The following ATL1 variants were observed in gnomAD, a reference collection of about 807,000 sequenced individuals.
The protein encoded by ATL1 is atlastin GTPase 1.
In ATL1, 31 loss-of-function variants were observed where a neutral mutation model predicts 75.5. That is an observed-to-expected ratio of 0.41 (90% CI 0.31 to 0.55). The LOEUF is 0.55. Among genes scored for constraint, ATL1 ranks in the 20% least tolerant of loss-of-function variants. The probability of loss-of-function intolerance (pLI) is 0.27; values close to 1 mark genes in which losing one functional copy is unlikely to be tolerated. For missense variants in ATL1, 405 were observed against 662.6 expected, an observed-to-expected ratio of 0.61 and a Z score of 4.27; for synonymous variants, 226 against 233.3, an observed-to-expected ratio of 0.97 and a Z score of 0.28.
At chr14:50,627,897 G>C (rs1053195321) in intron 11 of ATL1, 134 bp from the exon 12 acceptor site, 41 of 812,408 alleles carry the variant, frequency 5.0e-5, no homozygotes, top group Middle Eastern at 6.1e-4. Context: ...AAAGATGTGG[G>C]CTGACAAAAC....
At chr14:50,617,625 C>T (rs1345002325) in intron 8 of ATL1, among the ~76,000 whole-genome samples, 1 of 152,182 alleles carries the variant, frequency 6.6e-6, no homozygotes. Flanking sequence ...ATCGTATTCT[C>T]AATTATTGTG....
At chr14:50,625,319 GT>G (rs2039507278) in intron 11 of ATL1, among the ~76,000 whole-genome samples, 1 of 152,172 alleles carries the variant, frequency 6.6e-6, no homozygotes, top group South Asian at 2.1e-4. Context: ...GGTTCATGAG[GT>G]TTAAGAAGCC....
At chr14:50,612,153 A>G (rs1027407685) in intron 6 of ATL1, among the ~76,000 whole-genome samples, 1 of 152,208 alleles carries the variant, frequency 6.6e-6, no homozygotes, top group Non-Finnish European at 1.5e-5. Flanking sequence ...CCAAAAGAAT[A>G]TATCATGTAT....
intron 6 of ATL1, among the ~76,000 whole-genome samples, chr14:50,612,322 G>C (rs1466671223): frequency 6.6e-6 from 1 of 152,048 alleles, no homozygotes; most frequent in African/African-American, 2.4e-5. Flanking sequence ...TCTTGATCTA[G>C]GTGCTAGTTA....
chr14:50,548,104 C>T (rs768628985), intron 1 of ATL1, among the ~76,000 whole-genome samples: 7 of 152,050 alleles, frequency 4.6e-5, no homozygotes, highest in African/African-American at 1.2e-4. Context: ...TACAGGGGCC[C>T]GGGATAGGGG....
chr14:50,629,054 G>A (rs1384658856), intron 12 of ATL1, among the ~76,000 whole-genome samples: 3 of 152,154 alleles, frequency 2.0e-5, no homozygotes, highest in African/African-American at 7.2e-5. Context: ...ATTAAAAGTT[G>A]TAAGAGACAA....
chr14:50,572,022 A>G, intron 1 of ATL1: 3 of 531,188 alleles, frequency 5.6e-6, no homozygotes, highest in East Asian at 5.0e-5. Flanking sequence ...ATCTATCACA[A>G]GATTCATAAA....
chr14:50,609,153 A>C (rs939120303), intron 6 of ATL1, among the ~76,000 whole-genome samples: 7 of 152,168 alleles, frequency 4.6e-5, no homozygotes, highest in African/African-American at 1.2e-4. Flanking sequence ...ACATGTAAAA[A>C]TCCAAGGAAT....
At chr14:50,583,940 C>T (rs1260381591) in intron 1 of ATL1, among the ~76,000 whole-genome samples, 2 of 151,852 alleles carry the variant, frequency 1.3e-5, no homozygotes, top group East Asian at 1.9e-4. Context: ...TCATGGCAGA[C>T]CACTTGAGGA....
At chr14:50,547,768 A>T (rs1021161658) in intron 1 of ATL1, among the ~76,000 whole-genome samples, 1 of 152,128 alleles carries the variant, frequency 6.6e-6, no homozygotes, top group Non-Finnish European at 1.5e-5. Context: ...TTAAGCTGGG[A>T]AGTGTCCGTG....
rs562590227 is a variant in ATL1 at position 50,592,929 on chromosome 14, A to AAAAAT, written c.523-916_523-915insAAATA. On this transcript the variant is annotated intron_variant, in intron 4 of 13. Coordinates refer to ENST00000358385, the MANE Select transcript of ATL1 (RefSeq NM_015915.5). ...CTCCCGTCTCAAAAAAAAAAAAAAA[A>AAAAAT]ATATATATATATATATATGTGTGTG... is the stretch of plus-strand genomic sequence containing the variant. 7.0e-3 allele frequency among the ~76,000 whole-genome samples: 791 copies of AAAAAT among 113,810 alleles called. 9 individuals carry two copies. The highest frequency in any genetic ancestry group is 0.016 in the African/African-American group (454 of 28,512). The allele number at this position is 113,810 out of a possible 152,430, so 74.7% of individuals were successfully genotyped here.
At chr14:50,565,484 C>CAAAAAA (rs56404646) in intron 1 of ATL1, among the ~76,000 whole-genome samples, 1 of 145,274 alleles carries the variant, frequency 6.9e-6, no homozygotes, top group African/African-American at 2.6e-5. Flanking sequence ...GACTTCATCT[C>CAAAAAA]AAAAAAAAAA....
intron 13 of ATL1, among the ~76,000 whole-genome samples, chr14:50,631,327 A>C (rs1270919312): frequency 6.6e-6 from 1 of 152,140 alleles, no homozygotes; most frequent in African/African-American, 2.4e-5. Flanking sequence ...TAGACTCACA[A>C]ATGATAAAAA....
rs935378447 is a variant in ATL1, at chr14:50,591,823, T to A, written c.522+184T>A. 1.8e-5 allele frequency: 10 copies of A among 560,982 alleles called. No homozygotes were observed. The Admixed American group carries it at 2.2e-4, about 12-fold the overall frequency. The allele number at this position is 560,982 out of a possible 1,614,324, so 34.8% of individuals were successfully genotyped here. Reference sequence around the variant, plus strand: ...TGGAATTGTTTTTGTTACTGTAGTTTAATTACTGACAAACTTTCAAATTGA... The same window carrying A: ...TGGAATTGTTTTTGTTACTGTAGTTAAATTACTGACAAACTTTCAAATTGA... On this transcript the variant is annotated intron_variant, in intron 4 of 13. Coordinates refer to ENST00000358385, the MANE Select transcript of ATL1 (RefSeq NM_015915.5).
rs1273371448 is a variant in ATL1 at position 50,628,186 on chromosome 14, A to G, written c.1275A>G (p.Ile425Met). Residue 425 changes from isoleucine to methionine, a missense_variant, in exon 12 of 14, where the codon ATA (isoleucine) becomes ATG (methionine). By Grantham distance (10) the Ile-to-Met change is conservative. Transcript: ENST00000358385. ...ACCTGCAGCAGTTGGAGAGTGAAAT[A>G]GATGAACTTTACATCCAATATATCA... ...RRYLQQLESE[I>M]DELYIQYIKH... 3.7e-6 allele frequency: 6 copies of G among 1,614,096 alleles called. No homozygotes were observed. The African/African-American group carries it at 6.7e-5, about 18-fold the overall frequency.
intron 12 of ATL1, 53 bp downstream of exon 12, chr14:50,628,515 C>A: frequency 6.4e-7 from 1 of 1,551,132 alleles, no homozygotes; most frequent in Non-Finnish European, 8.8e-7. Context: ...GAATGTCATC[C>A]ATGTGCCAGC....
At chr14:50,539,203 A>G (rs2038531214) in intron 1 of ATL1, among the ~76,000 whole-genome samples, 1 of 152,228 alleles carries the variant, frequency 6.6e-6, no homozygotes. Context: ...GAGTGGCATC[A>G]CAATTACTCA....
At chr14:50,625,660 GCACTTTGGGAGGCCCAA>G (rs1186446879) in intron 11 of ATL1, among the ~76,000 whole-genome samples, 6 of 152,036 alleles carry the variant, frequency 3.9e-5, no homozygotes, top group African/African-American at 9.7e-5. Flanking sequence ...GCTCACACCT[GCACTTTGGGAGGCCCAA>G]CACTTTGGGA....
chr14:50,562,263 T>A (rs1013407393), intron 1 of ATL1, among the ~76,000 whole-genome samples: 1 of 152,040 alleles, frequency 6.6e-6, no homozygotes, highest in African/African-American at 2.4e-5. Flanking sequence ...CCAGGATGGT[T>A]TCGATCTCCT....
Sources: gnomAD v4.1 joint callset for allele counts (sites outside exome capture counted in the v4.1 genomes callset) on GRCh38, gnomAD v4.1.1 for gene constraint, MANE v1.5 for transcripts, NCBI Gene and HGNC (gene_info 2026-07-23, HGNC 2026-07-21) for gene names.